The following PHIP variants were observed in gnomAD, a reference collection of about 807,000 sequenced individuals.
The protein encoded by PHIP is PH-interacting protein.
In PHIP, 54 loss-of-function variants were observed where a neutral mutation model predicts 236.8. That is an observed-to-expected ratio of 0.23 (90% CI 0.18 to 0.29). The LOEUF is 0.29. Among genes scored for constraint, PHIP ranks in the 10% least tolerant of loss-of-function variants. PHIP has a pLI of 1.00. For missense variants in PHIP, 1,370 were observed against 2,190.8 expected, an observed-to-expected ratio of 0.63 and a Z score of 7.48; for synonymous variants, 756 against 718.9, an observed-to-expected ratio of 1.05 and a Z score of -0.83.
chr6:79,001,349 C>T lies in PHIP; in HGVS notation c.1879+550G>A, dbSNP rs967437440. Among the ~76,000 whole-genome samples the T allele has an allele frequency of 3.3e-5, 5 of 152,164 alleles. No homozygotes were observed. The East Asian group carries it at 9.7e-4, about 29-fold the overall frequency. On this transcript the variant is annotated intron_variant, in intron 17 of 39. Coordinates refer to ENST00000275034, the MANE Select transcript of PHIP (RefSeq NM_017934.7). ...GCTCTCAACACTTTCCATGTCAATCCTCTTATAAACCTTTAAAAGTTGGTA... is the reference window on the plus strand; with the variant it reads ...GCTCTCAACACTTTCCATGTCAATCTTCTTATAAACCTTTAAAAGTTGGTA...
chr6:78,946,539 C>A, intron 37 of PHIP, 172 bp downstream of exon 37: 3 of 1,379,466 alleles, frequency 2.2e-6, no homozygotes, highest in Non-Finnish European at 2.8e-6. Context: ...AGCACTTACA[C>A]TAGTATAGCT....
Position 79,003,837 on chromosome 6 carries a change from C to A in PHIP, c.1546G>T (p.Ala516Ser). ...GGAGAGCATTTGCAGTCAAATACTG[C>A]GCCATGTCCTTGGCCTTCAATCTGA... is the stretch of plus-strand genomic sequence containing the variant. Reference protein sequence around the residue: ...FNMIEGQGHGAVFDCKCSPDG... With the variant: ...FNMIEGQGHGSVFDCKCSPDG... The change falls in exon 16 of 40, where the codon GCA becomes TCA. Residue 516 changes from alanine to serine, a missense_variant. By Grantham distance (99) the Ala-to-Ser change is moderately conservative. This residue lies in a region of PHIP where 188 missense variants were observed against 354.3 expected (regional missense o/e 0.53). Coordinates refer to ENST00000275034, the MANE Select transcript of PHIP (RefSeq NM_017934.7). 1 of 1,605,382 alleles carries A rather than the reference C, an allele frequency of 6.2e-7. No individual in the cohort carries two copies. Among genetic ancestry groups the A allele is most frequent in the Non-Finnish European group, 8.5e-7 (1 of 1,174,994 alleles).
intron 6 of PHIP, among the ~76,000 whole-genome samples, chr6:79,050,700 A>G (rs1421957872): frequency 6.6e-6 from 1 of 152,208 alleles, no homozygotes; most frequent in Non-Finnish European, 1.5e-5. Flanking sequence ...TAAAGAGACT[A>G]GCTTAAATTC....
At chr6:79,071,642 T>C (rs900327151) in intron 4 of PHIP, among the ~76,000 whole-genome samples, 2 of 152,226 alleles carry the variant, frequency 1.3e-5, no homozygotes, top group Admixed American at 6.5e-5. Flanking sequence ...TAAATAAGTA[T>C]GTTTGGTATT....
chr6:78,935,564 C>CT lies in PHIP; in HGVS notation c.*5128dup. 1.0e-6 allele frequency: 1 copy of CT among 968,658 alleles called. No individual in the cohort carries two copies. Among genetic ancestry groups the CT allele is most frequent in the Non-Finnish European group, 1.2e-6 (1 of 814,718 alleles). 60.0% of individuals were successfully genotyped at this position (968,658 alleles called of 1,614,324 possible). On this transcript the variant is annotated 3_prime_UTR_variant, in exon 40 of 40. Transcript: ENST00000275034. ...AAGTATTTATCACTCATCACAGTAA[C>CT]TTACGGTAAGAAATCAATAAAATTG...
At chr6:79,067,397 C>A (rs561317520) in intron 4 of PHIP, among the ~76,000 whole-genome samples, 1 of 152,310 alleles carries the variant, frequency 6.6e-6, no homozygotes, top group East Asian at 1.9e-4. Flanking sequence ...CTTTGGCTAA[C>A]TGTCCATCCA....
At chr6:78,947,337 T>C (rs1394401750) in intron 36 of PHIP, among the ~76,000 whole-genome samples, 1 of 152,170 alleles carries the variant, frequency 6.6e-6, no homozygotes, top group Non-Finnish European at 1.5e-5. Context: ...AGGCAGATAA[T>C]AGCTAGAAAA....
intron 4 of PHIP, among the ~76,000 whole-genome samples, chr6:79,064,592 T>C (rs1285794069): frequency 1.3e-5 from 2 of 152,236 alleles, no homozygotes; most frequent in Non-Finnish European, 2.9e-5. Flanking sequence ...TTCACCTAAC[T>C]GTTGAACACT....
chr6:78,973,366 T>G (rs1299537093), intron 24 of PHIP, among the ~76,000 whole-genome samples: 1 of 148,272 alleles, frequency 6.7e-6, no homozygotes, highest in Non-Finnish European at 1.5e-5. Context: ...CTACAAGAGC[T>G]CCTGAAGGAA....
chr6:79,047,331 G>C lies in PHIP; in HGVS notation c.440-4328C>G, dbSNP rs531548951. ...GATAATAAGTCAAATTCCCCCATAA[G>C]TCACTTCTTACTTCACACCTAGTTA... On this transcript the variant is annotated intron_variant, in intron 6 of 39. Transcript: ENST00000275034. Among the ~76,000 whole-genome samples the C allele has an allele frequency of 3.1e-3, 476 of 152,190 alleles. 3 individuals carry two copies. The highest frequency in any genetic ancestry group is 0.011 in the African/African-American group (442 of 41,526).
intron 18 of PHIP, 29 bp from the exon 19 acceptor site, chr6:78,997,626 C>A: frequency 6.5e-7 from 1 of 1,537,124 alleles, no homozygotes; most frequent in South Asian, 1.1e-5. Flanking sequence ...ATATTAAGTT[C>A]TACTTAGAGA....
rs1360918578 is a variant in PHIP, at chr6:78,946,173, C to T, written c.4458G>A (p.Pro1486=). ...TTATCTGAGCAGCATTGTGTCTTGGCGGTATTGATCGTGTAGGTGTAGAGA... is the reference window on the plus strand; with the variant it reads ...TTATCTGAGCAGCATTGTGTCTTGGTGGTATTGATCGTGTAGGTGTAGAGA... ...SAFSTPTRSI[P]PRHNAAQING... is the part of the protein sequence containing the mutation. Residue 1486 remains proline, a synonymous_variant, in exon 38 of 40, where the codon CCG becomes CCA. Coordinates refer to ENST00000275034, the MANE Select transcript of PHIP (RefSeq NM_017934.7). 7.4e-6 allele frequency: 12 copies of T among 1,613,656 alleles called. No individual in the cohort carries two copies. Among genetic ancestry groups the T allele is most frequent in the Admixed American group, 3.3e-5 (2 of 59,978 alleles).
intron 9 of PHIP, among the ~76,000 whole-genome samples, chr6:79,020,926 A>T (rs528574703): frequency 6.6e-6 from 1 of 152,272 alleles, no homozygotes; most frequent in Admixed American, 6.5e-5. Flanking sequence ...AAAGTATTAA[A>T]TTAGTGTGAC....
chr6:78,956,501 T>C (rs896099294), intron 32 of PHIP: 6 of 152,156 alleles, frequency 3.9e-5, no homozygotes, highest in African/African-American at 1.4e-4. Flanking sequence ...GTGTAAAACA[T>C]GTTATTCTCA....
chr6:78,994,449 C>T (rs562011814), intron 19 of PHIP, among the ~76,000 whole-genome samples: 14 of 152,180 alleles, frequency 9.2e-5, no homozygotes, highest in African/African-American at 2.2e-4. Context: ...TGGTGGCATG[C>T]GCCTGTAGTC....
intron 32 of PHIP, chr6:78,956,089 G>C (rs1205877693): frequency 6.6e-6 from 1 of 152,666 alleles, no homozygotes; most frequent in Non-Finnish European, 1.5e-5. Context: ...TGGTTTATCT[G>C]TGTAAATGAA....
At chr6:79,057,581 G>A (rs756203459) in intron 6 of PHIP, among the ~76,000 whole-genome samples, 18 of 151,942 alleles carry the variant, frequency 1.2e-4, no homozygotes, top group Non-Finnish European at 2.4e-4. Context: ...TATATTAAAC[G>A]TTTAAATCTA....
rs1487724928 is a variant in PHIP, at chr6:79,060,882, G to C, written c.190-64C>G. 5 of 1,132,444 alleles carry C rather than the reference G, an allele frequency of 4.4e-6. No homozygotes were observed. In the African/African-American group the frequency reaches 7.9e-5, roughly 18 times the overall value. 70.1% of individuals were successfully genotyped at this position (1,132,444 alleles called of 1,614,324 possible). On this transcript the variant is annotated intron_variant, in intron 4 of 39. Coordinates refer to ENST00000275034, the MANE Select transcript of PHIP (RefSeq NM_017934.7). ...TCATTTTAATTTTCAAAATCTTTGA[G>C]CAACAATAAAAAAATTCATCCAAGT...
chr6:79,004,299 T>C (rs1770169856), intron 15 of PHIP: 2 of 516,332 alleles, frequency 3.9e-6, no homozygotes, highest in Admixed American at 6.4e-5. Context: ...TTATTTTTGG[T>C]AATAAATTCC....
Sources: gnomAD v4.1 joint callset for allele counts (sites outside exome capture counted in the v4.1 genomes callset) on GRCh38, gnomAD v4.1.1 for gene constraint, gnomAD v4.1.1 regional missense constraint, MANE v1.5 for transcripts, NCBI Gene and HGNC (gene_info 2026-07-23, HGNC 2026-07-21) for gene names.